Variants in B3GALT1 observed in about 807,000 individuals in gnomAD.
The protein encoded by B3GALT1 is UDP-Gal:betaGlcNAc beta 1,3-galactosyltransferase, polypeptide 1.
B3GALT1 carries 10 observed loss-of-function variants against 23.2 expected under a neutral mutation model. The observed-to-expected ratio is 0.43, with a 90% CI of 0.27 to 0.73. The LOEUF is 0.73. Among genes scored for constraint, B3GALT1 ranks in the 30% least tolerant of loss-of-function variants. The probability of loss-of-function intolerance (pLI) is 0.21; values close to 1 mark genes in which losing one functional copy is unlikely to be tolerated. For missense variants in B3GALT1, 299 were observed against 405.4 expected, an observed-to-expected ratio of 0.74 and a Z score of 2.25; for synonymous variants, 156 against 141.5, an observed-to-expected ratio of 1.10 and a Z score of -0.73.
intron 1 of B3GALT1, among the ~76,000 whole-genome samples, chr2:167,368,670 A>T (rs1276264760): frequency 1.3e-5 from 2 of 152,206 alleles, no homozygotes; most frequent in African/African-American, 4.8e-5. Flanking sequence ...CATTCACCTG[A>T]AACATCTGAT....
At chr2:167,458,494 A>G (rs1443551535) in intron 1 of B3GALT1, among the ~76,000 whole-genome samples, 1 of 152,210 alleles carries the variant, frequency 6.6e-6, no homozygotes, top group Non-Finnish European at 1.5e-5. Flanking sequence ...TTGCTGGATC[A>G]TATAGTAATT....
intron 3 of B3GALT1, among the ~76,000 whole-genome samples, chr2:167,767,002 G>A (rs960141860): frequency 6.6e-6 from 1 of 152,120 alleles, no homozygotes; most frequent in Non-Finnish European, 1.5e-5. Flanking sequence ...ATTGTACTGG[G>A]AAAGGCATGT....
At chr2:167,528,122 G>C (rs907183881) in intron 2 of B3GALT1, among the ~76,000 whole-genome samples, 2 of 152,134 alleles carry the variant, frequency 1.3e-5, no homozygotes, top group Admixed American at 6.6e-5. Flanking sequence ...CCTGCACTTA[G>C]AATAAAAGCC....
intron 2 of B3GALT1, among the ~76,000 whole-genome samples, chr2:167,625,765 C>A (rs936667026): frequency 2.0e-5 from 3 of 150,776 alleles, no homozygotes; most frequent in African/African-American, 7.3e-5. Context: ...GTTTCTGTCC[C>A]CCCCTTTAAT....
chr2:167,728,598 T>G (rs974916388), intron 3 of B3GALT1, among the ~76,000 whole-genome samples: 6 of 152,242 alleles, frequency 3.9e-5, no homozygotes. Flanking sequence ...TCTGATCTGC[T>G]TAGTAACTGT....
chr2:167,467,454 C>CT (rs1699365912), intron 1 of B3GALT1, among the ~76,000 whole-genome samples: 1 of 152,090 alleles, frequency 6.6e-6, no homozygotes, highest in Admixed American at 6.5e-5. Flanking sequence ...TGCCTTATTA[C>CT]TTTGAGTTAC....
chr2:167,562,463 T>C (rs57230846), intron 2 of B3GALT1, among the ~76,000 whole-genome samples: 5,484 of 151,986 alleles, frequency 0.036, 163 homozygotes, highest in African/African-American at 0.088. Flanking sequence ...CCAGGGCAAT[T>C]AGGCAGGAGA....
intron 4 of B3GALT1, among the ~76,000 whole-genome samples, chr2:167,845,475 G>A (rs1279936547): frequency 6.6e-6 from 1 of 152,178 alleles, no homozygotes; most frequent in African/African-American, 2.4e-5. Context: ...TACTTACGGA[G>A]TGGCTAGACC....
intron 1 of B3GALT1, among the ~76,000 whole-genome samples, chr2:167,465,134 C>G (rs1699324640): frequency 6.6e-6 from 1 of 152,042 alleles, no homozygotes; most frequent in Non-Finnish European, 1.5e-5. Context: ...AAGTTTTAAG[C>G]AAAAGGAAAA....
chr2:167,375,221 A>G (rs951782209), intron 1 of B3GALT1, among the ~76,000 whole-genome samples: 10 of 152,258 alleles, frequency 6.6e-5, no homozygotes, highest in Non-Finnish European at 1.2e-4. Context: ...TGCCAGAACC[A>G]TGCTGTTTTG....
chr2:167,789,435 C>G (rs1236083971), intron 3 of B3GALT1, among the ~76,000 whole-genome samples: 1 of 152,112 alleles, frequency 6.6e-6, no homozygotes, highest in African/African-American at 2.4e-5. Flanking sequence ...ATGATATCTG[C>G]TTTATAGGAT....
chr2:167,558,130 T>G (rs895268094), intron 2 of B3GALT1: 3 of 152,176 alleles, frequency 2.0e-5, no homozygotes, highest in African/African-American at 7.2e-5. Context: ...TTGTCTTATC[T>G]CTGAAGGAGA....
intron 1 of B3GALT1, among the ~76,000 whole-genome samples, chr2:167,376,274 A>G (rs1006923884): frequency 2.6e-5 from 4 of 152,064 alleles, no homozygotes; most frequent in African/African-American, 9.7e-5. Flanking sequence ...TCTTGTGGCT[A>G]TGTTCATTAG....
chr2:167,331,493 G>T (rs1420908567), intron 1 of B3GALT1, among the ~76,000 whole-genome samples: 1 of 152,178 alleles, frequency 6.6e-6, no homozygotes, highest in African/African-American at 2.4e-5. Context: ...GTATGTGATG[G>T]GTTGTACAAG....
chr2:167,555,086 C>G (rs1178908391), intron 2 of B3GALT1, among the ~76,000 whole-genome samples: 1 of 152,068 alleles, frequency 6.6e-6, no homozygotes, highest in Non-Finnish European at 1.5e-5. Flanking sequence ...GCTAACTGAA[C>G]TATATGCCAT....
intron 3 of B3GALT1, among the ~76,000 whole-genome samples, chr2:167,731,402 T>C (rs1296603739): frequency 6.6e-6 from 1 of 152,194 alleles, no homozygotes; most frequent in African/African-American, 2.4e-5. Context: ...AAAGGTTTCA[T>C]ATTTTGTGTA....
chr2:167,563,190 C>CG (rs1684051319), intron 2 of B3GALT1, among the ~76,000 whole-genome samples: 1 of 151,318 alleles, frequency 6.6e-6, no homozygotes, highest in Admixed American at 6.6e-5. Flanking sequence ...GGGTGGTGGC[C>CG]GGGCAGAGGG....
At chr2:167,416,054 G>A (rs1003901499) in intron 1 of B3GALT1, among the ~76,000 whole-genome samples, 1 of 152,186 alleles carries the variant, frequency 6.6e-6, no homozygotes, top group Non-Finnish European at 1.5e-5. Context: ...AAGTGAAAAA[G>A]CTTGTTCAAG....
Position 167,450,151 on chromosome 2 carries a change from T to C in B3GALT1, c.-510-40026T>C, listed in dbSNP as rs538379214. Among the ~76,000 whole-genome samples, 54 of 152,294 alleles carry C rather than the reference T, an allele frequency of 3.5e-4. No individual in the cohort carries two copies. The South Asian group carries it at 0.011, about 31-fold the overall frequency. On this transcript the variant is annotated intron_variant, in intron 1 of 4. Coordinates refer to ENST00000392690, the MANE Select transcript of B3GALT1 (RefSeq NM_020981.4). ...TCCTTCTTTCTATTTTGTGGAATAG[T>C]GTCAATAGGATTGGTACCAATTCTT...
Sources: gnomAD v4.1 joint callset for allele counts (sites outside exome capture counted in the v4.1 genomes callset) on GRCh38, gnomAD v4.1.1 for gene constraint, MANE v1.5 for transcripts, NCBI Gene and HGNC (gene_info 2026-07-23, HGNC 2026-07-21) for gene names.